The following SNTG1 variants were observed in gnomAD, a reference collection of about 807,000 sequenced individuals.
The protein encoded by SNTG1 is gamma-1-syntrophin.
SNTG1 carries 39 observed loss-of-function variants against 74.7 expected under a neutral mutation model. The observed-to-expected ratio is 0.52, with a 90% CI of 0.40 to 0.68. The LOEUF is 0.68. Among genes scored for constraint, SNTG1 ranks in the 30% least tolerant of loss-of-function variants. The pLI is 0.00. For missense variants in SNTG1, 685 were observed against 609.5 expected, an observed-to-expected ratio of 1.12 and a Z score of -1.30; for synonymous variants, 254 against 217.1, an observed-to-expected ratio of 1.17 and a Z score of -1.49.
chr8:50,070,933 T>A (rs1235772774), intron 1 of SNTG1, among the ~76,000 whole-genome samples: 1 of 152,048 alleles, frequency 6.6e-6, no homozygotes, highest in Non-Finnish European at 1.5e-5. Flanking sequence ...TCATGGAGGG[T>A]CGGACTTGCC....
At chr8:50,667,245 T>C (rs1049589548) in intron 15 of SNTG1, among the ~76,000 whole-genome samples, 1 of 152,120 alleles carries the variant, frequency 6.6e-6, no homozygotes, top group Non-Finnish European at 1.5e-5. Context: ...TAGAATTTTA[T>C]ATCAATGGCA....
chr8:50,163,417 T>A (rs915038837), intron 1 of SNTG1: 1 of 147,942 alleles, frequency 6.8e-6, no homozygotes, highest in African/African-American at 2.5e-5. Context: ...AATTCCAAGT[T>A]TTTTTTTTTT....
intron 1 of SNTG1, among the ~76,000 whole-genome samples, chr8:50,081,079 A>G (rs1484544283): frequency 2.6e-5 from 4 of 152,158 alleles, no homozygotes; most frequent in African/African-American, 9.6e-5. Flanking sequence ...GATAGAGAAA[A>G]CATTTATAGA....
chr8:50,771,098 T>C (rs10104579), intron 18 of SNTG1, among the ~76,000 whole-genome samples: 14,260 of 151,880 alleles, frequency 0.094, 1,907 homozygotes, highest in African/African-American at 0.3. Context: ...TATCTGAAAA[T>C]GGGGAAGTGG....
At chr8:49,933,350 C>T (rs746800868) in intron 1 of SNTG1, among the ~76,000 whole-genome samples, 1 of 152,054 alleles carries the variant, frequency 6.6e-6, no homozygotes, top group Non-Finnish European at 1.5e-5. Flanking sequence ...ATATAATTAG[C>T]GACTTTTTGA....
At chr8:50,312,061 T>C (rs1034284809) in intron 2 of SNTG1, among the ~76,000 whole-genome samples, 2 of 126,816 alleles carry the variant, frequency 1.6e-5, no homozygotes, top group Non-Finnish European at 3.6e-5. Flanking sequence ...GAATATGTTT[T>C]TGTATGTTTT....
At chr8:50,677,390 G>T (rs145295453) in intron 15 of SNTG1, among the ~76,000 whole-genome samples, 3,775 of 151,882 alleles carry the variant, frequency 0.025, 62 homozygotes, top group Middle Eastern at 0.041. Flanking sequence ...AATTTTATAT[G>T]GACACCCATA....
intron 2 of SNTG1, among the ~76,000 whole-genome samples, chr8:50,266,725 TTAAA>T (rs5891357): frequency 0.88 from 128,218 of 145,300 alleles, 57,853 homozygotes; most frequent in East Asian, 1. Flanking sequence ...TAATAAGAAA[TTAAA>T]TAAAGCAGTA....
chr8:50,457,862 G>A (rs933644323), intron 8 of SNTG1: 6 of 152,224 alleles, frequency 3.9e-5, no homozygotes, highest in Non-Finnish European at 7.3e-5. Context: ...TAAGTACAGC[G>A]AAAGGTACAT....
intron 13 of SNTG1, among the ~76,000 whole-genome samples, chr8:50,614,631 C>G (rs2094874232): frequency 6.6e-6 from 1 of 152,070 alleles, no homozygotes; most frequent in Admixed American, 6.5e-5. Context: ...ATCATACCCA[C>G]AGAAGCATGA....
At chr8:50,449,861 G>A in intron 6 of SNTG1, 136 bp downstream of exon 6, 1 of 710,204 alleles carries the variant, frequency 1.4e-6, no homozygotes. Context: ...ATTAGTGGCT[G>A]AGTCTGCTTC....
chr8:50,390,421 G>A (rs996224785), intron 2 of SNTG1, among the ~76,000 whole-genome samples: 9 of 152,098 alleles, frequency 5.9e-5, no homozygotes, highest in Admixed American at 3.3e-4. Flanking sequence ...CTGATCCATT[G>A]GTCTATATCT....
At chr8:50,321,861 T>C (rs1161379843) in intron 2 of SNTG1, among the ~76,000 whole-genome samples, 1 of 152,144 alleles carries the variant, frequency 6.6e-6, no homozygotes, top group African/African-American at 2.4e-5. Context: ...TTTTGTTGTT[T>C]CTATTTACAT....
chr8:50,389,455 G>A (rs183263206), intron 2 of SNTG1, among the ~76,000 whole-genome samples: 1 of 152,310 alleles, frequency 6.6e-6, no homozygotes, highest in East Asian at 1.9e-4. Flanking sequence ...AGGCCCTGGT[G>A]TGTGACGTTC....
intron 2 of SNTG1, among the ~76,000 whole-genome samples, chr8:50,277,393 T>A (rs2088180165): frequency 6.6e-6 from 1 of 152,172 alleles, no homozygotes; most frequent in South Asian, 2.1e-4. Context: ...CTACTGTGGC[T>A]TTATTAGATT....
At chr8:50,229,497 A>G (rs137869099) in intron 2 of SNTG1, among the ~76,000 whole-genome samples, 28 of 151,708 alleles carry the variant, frequency 1.8e-4, no homozygotes, top group African/African-American at 6.0e-4. Context: ...CTTCCAAACA[A>G]GGAAGATTAT....
At chr8:50,779,596 A>G (rs2095652268) in intron 18 of SNTG1, among the ~76,000 whole-genome samples, 1 of 152,022 alleles carries the variant, frequency 6.6e-6, no homozygotes, top group Non-Finnish European at 1.5e-5. Flanking sequence ...GCTTAAGGAG[A>G]TTTTGGGCTG....
intron 1 of SNTG1, among the ~76,000 whole-genome samples, chr8:49,946,156 C>T (rs1373719913): frequency 1.3e-5 from 2 of 152,062 alleles, no homozygotes; most frequent in African/African-American, 4.8e-5. Context: ...GAAGTACTTT[C>T]CTAAAGGTTT....
intron 17 of SNTG1, among the ~76,000 whole-genome samples, chr8:50,743,391 A>C (rs1227368719): frequency 6.6e-6 from 1 of 151,984 alleles, no homozygotes; most frequent in African/African-American, 2.4e-5. Flanking sequence ...AATAGAATGA[A>C]GTTTAAATAA....
Sources: gnomAD v4.1 joint callset for allele counts (sites outside exome capture counted in the v4.1 genomes callset) on GRCh38, gnomAD v4.1.1 for gene constraint, MANE v1.5 for transcripts, NCBI Gene and HGNC (gene_info 2026-07-23, HGNC 2026-07-21) for gene names.